COTL1: variants seen among roughly 807,000 people sequenced by gnomAD.
COTL1 encodes coactosin like F-actin binding protein 1.
Under a neutral mutation model 16.5 loss-of-function variants are expected in COTL1, and 15 were observed. The ratio of observed to expected loss-of-function variants is 0.91; its 90% confidence interval spans 0.61 to 1.40. COTL1 has a LOEUF of 1.40. COTL1 is among the 40% of genes most tolerant of loss of function. The pLI is 0.00. For synonymous variants in COTL1, 112 were observed against 85.3 expected (o/e 1.31, Z -1.73); for missense variants, 220 against 201.5 (o/e 1.09, Z -0.56).
At chr16:84,568,455 A>T (rs1754356571) in intron 3 of COTL1, 1 of 152,270 alleles carries the variant, frequency 6.6e-6, no homozygotes, top group South Asian at 2.1e-4. Context: ...ACAATGGAAT[A>T]TTCCTCAGCC....
intron 1 of COTL1, 45 bp downstream of exon 1, chr16:84,617,793 G>A: frequency 6.5e-7 from 1 of 1,530,366 alleles, no homozygotes; most frequent in South Asian, 1.2e-5. Flanking sequence ...GAGGCCCCGC[G>A]CGAGCCCGGG....
At position 84,614,655 on chromosome 16, in the gene COTL1, T is replaced by G. The variant is rs867340618; in HGVS notation, c.160+2846A>C. ...TATAAGGAAGAAACTGGGTGCTGTTTCTGGCCTTCCAAGTCTGCTGGCCAC... is the reference window on the plus strand; with the variant it reads ...TATAAGGAAGAAACTGGGTGCTGTTGCTGGCCTTCCAAGTCTGCTGGCCAC... On this transcript the variant is annotated intron_variant, in intron 2 of 3. Coordinates refer to ENST00000262428, the MANE Select transcript of COTL1 (RefSeq NM_021149.5). Among the ~76,000 whole-genome samples, 6 of 152,114 alleles carry G rather than the reference T, an allele frequency of 3.9e-5. No individual in the cohort carries two copies. The South Asian group carries it at 1.2e-3, about 32-fold the overall frequency.
At position 84,590,262 on chromosome 16, in the gene COTL1, T is replaced by A. The variant is rs2150687829; in HGVS notation, c.161A>T (p.Asp54Val). ...EYQHFIQQCT[D>V]DVRLFAFVRF... ...CACGAAGGCAAACAACCGGACGTCATCTGTGGCCAAAAGCGAAAAGAGAAC... is the reference window on the plus strand; with the variant it reads ...CACGAAGGCAAACAACCGGACGTCAACTGTGGCCAAAAGCGAAAAGAGAAC... The change falls in exon 3 of 4, where the codon GAT (aspartate) becomes GTT (valine). Residue 54 changes from aspartate to valine, a missense_variant and splice_region_variant. By Grantham distance (152) the Asp-to-Val change is radical (BLOSUM62 -3). Coordinates refer to ENST00000262428, the MANE Select transcript of COTL1 (RefSeq NM_021149.5). This position sits in a 1 kb window ranked among gnomAD's most constrained non-coding sequence, Gnocchi z 5.5. The A allele has an allele frequency of 6.2e-7, 1 of 1,613,658 alleles. No individual in the cohort carries two copies. The highest frequency in any genetic ancestry group is 1.7e-4 in the Middle Eastern group (1 of 6,056).
At chr16:84,615,293 C>T (rs1006011665) in intron 2 of COTL1, among the ~76,000 whole-genome samples, 1 of 152,228 alleles carries the variant, frequency 6.6e-6, no homozygotes, top group Admixed American at 6.5e-5. Context: ...AGCTTCCTCG[C>T]CAGACACGCG....
chr16:84,587,105 C>G (rs370144453), intron 3 of COTL1, among the ~76,000 whole-genome samples: 4 of 152,134 alleles, frequency 2.6e-5, no homozygotes, highest in Non-Finnish European at 4.4e-5. Flanking sequence ...TGCTGCCACT[C>G]GGAAGACCCC....
intron 2 of COTL1, among the ~76,000 whole-genome samples, chr16:84,592,598 T>TAA (rs11356776): frequency 0.021 from 2,963 of 143,512 alleles, 52 homozygotes; most frequent in African/African-American, 0.046. Context: ...CACACTGAGT[T>TAA]AAAAAAAAAA....
chr16:84,603,239 C>T (rs890194568), intron 2 of COTL1, among the ~76,000 whole-genome samples: 2 of 152,210 alleles, frequency 1.3e-5, no homozygotes, highest in African/African-American at 2.4e-5. Flanking sequence ...CCAGCCCCCA[C>T]GGGGACAGCT....
chr16:84,592,825 G>A (rs952821431), intron 2 of COTL1, among the ~76,000 whole-genome samples: 1 of 152,044 alleles, frequency 6.6e-6, no homozygotes, highest in Non-Finnish European at 1.5e-5. Flanking sequence ...TGGTCTAACG[G>A]GTCATCCATT....
intron 3 of COTL1, among the ~76,000 whole-genome samples, chr16:84,582,671 G>T (rs913843196): frequency 2.6e-5 from 4 of 152,156 alleles, no homozygotes; most frequent in African/African-American, 7.2e-5. Flanking sequence ...TAAGAAATCC[G>T]GGTTTTGAAG....
chr16:84,606,843 A>G (rs1313020054), intron 2 of COTL1, among the ~76,000 whole-genome samples: 1 of 152,240 alleles, frequency 6.6e-6, no homozygotes, highest in African/African-American at 2.4e-5. Context: ...TGCCCACAGC[A>G]GTAACTGTAG....
chr16:84,568,969 A>T (rs1199335522), intron 3 of COTL1: 6 of 152,252 alleles, frequency 3.9e-5, no homozygotes, highest in Admixed American at 3.9e-4. Context: ...TTGGAACCAG[A>T]CAGAGGTAGG....
chr16:84,573,748 A>AT (rs939000032), intron 3 of COTL1, among the ~76,000 whole-genome samples: 4 of 87,236 alleles, frequency 4.6e-5, no homozygotes, highest in African/African-American at 8.4e-5. Context: ...CTCAAAAAAA[A>AT]AAAAATATAT....
intron 3 of COTL1, among the ~76,000 whole-genome samples, chr16:84,578,652 C>A (rs751239508): frequency 6.6e-6 from 1 of 151,794 alleles, no homozygotes; most frequent in African/African-American, 2.4e-5. Flanking sequence ...CACACACACA[C>A]AGGCATGCAC....
intron 3 of COTL1, among the ~76,000 whole-genome samples, chr16:84,570,517 CAG>C (rs1904321731): frequency 6.6e-6 from 1 of 150,830 alleles, no homozygotes. Flanking sequence ...TACTACATAC[CAG>C]AGACATATTT....
intron 3 of COTL1, among the ~76,000 whole-genome samples, chr16:84,589,406 G>T (rs1375764301): frequency 6.6e-6 from 1 of 152,234 alleles, no homozygotes; most frequent in Non-Finnish European, 1.5e-5. Context: ...CTGCTGAAGG[G>T]ACGTGTAACA....
At chr16:84,578,915 G>A (rs1567532231) in intron 3 of COTL1, among the ~76,000 whole-genome samples, 1 of 117,756 alleles carries the variant, frequency 8.5e-6, no homozygotes, top group South Asian at 2.2e-4. Context: ...ACACATGCAT[G>A]CATACACACA....
intron 3 of COTL1, among the ~76,000 whole-genome samples, chr16:84,586,301 T>C (rs1192158428): frequency 6.6e-6 from 1 of 152,208 alleles, no homozygotes; most frequent in Non-Finnish European, 1.5e-5. Context: ...TTCAACTTAC[T>C]TGAGCTTGCA....
intron 3 of COTL1, among the ~76,000 whole-genome samples, chr16:84,586,598 C>T (rs765568127): frequency 3.9e-4 from 59 of 152,244 alleles, no homozygotes; most frequent in Non-Finnish European, 7.6e-4. Flanking sequence ...TTGTATTTTA[C>T]AATTTTTTAT....
At chr16:84,608,329 T>C (rs533083212) in intron 2 of COTL1, among the ~76,000 whole-genome samples, 1 of 152,254 alleles carries the variant, frequency 6.6e-6, no homozygotes, top group African/African-American at 2.4e-5. Context: ...TTTTTTGAAC[T>C]TGAGACACTG....
Sources: gnomAD v4.1 joint callset for allele counts (sites outside exome capture counted in the v4.1 genomes callset) on GRCh38, gnomAD v4.1.1 for gene constraint, Gnocchi (gnomAD v3.1) non-coding constraint, MANE v1.5 for transcripts, NCBI Gene and HGNC (gene_info 2026-07-23, HGNC 2026-07-21) for gene names.